PLEKHM3: variants seen among roughly 807,000 people sequenced by gnomAD.
PLEKHM3 encodes the protein pleckstrin homology domain containing M3.
PLEKHM3 carries 45 observed loss-of-function variants against 81.8 expected under a neutral mutation model. The ratio of observed to expected loss-of-function variants is 0.55; its 90% CI spans 0.43 to 0.71. The LOEUF (loss-of-function observed/expected upper bound fraction) is 0.71, where lower values mean the gene tolerates loss of function less well. PLEKHM3 is among the 30% of genes least tolerant of loss of function. The pLI is 0.00. For synonymous variants in PLEKHM3, 352 were observed against 356.4 expected, an observed-to-expected ratio of 0.99 and a Z score of 0.14; for missense variants, 788 against 924.3, an observed-to-expected ratio of 0.85 and a Z score of 1.91.
chr2:207,902,279 G>C (rs548582459), intron 6 of PLEKHM3, among the ~76,000 whole-genome samples: 1 of 152,342 alleles, frequency 6.6e-6, no homozygotes, highest in South Asian at 2.1e-4. Context: ...CGTCCATAGA[G>C]AAAAACGTTC....
At chr2:207,909,650 G>A (rs1688749054) in intron 5 of PLEKHM3, among the ~76,000 whole-genome samples, 1 of 152,164 alleles carries the variant, frequency 6.6e-6, no homozygotes, top group African/African-American at 2.4e-5. Flanking sequence ...TAACATGGTG[G>A]ATTCCAACCC....
At chr2:207,837,896 G>A (rs2092329607) in intron 7 of PLEKHM3, among the ~76,000 whole-genome samples, 1 of 146,244 alleles carries the variant, frequency 6.8e-6, no homozygotes, top group Non-Finnish European at 1.5e-5. Flanking sequence ...TCAGCCTCCC[G>A]AGTAGCTGGG....
chr2:207,972,260 A>C (rs542155514), intron 3 of PLEKHM3, among the ~76,000 whole-genome samples: 1 of 151,946 alleles, frequency 6.6e-6, no homozygotes, highest in Admixed American at 6.5e-5. Context: ...TAGGCATGAT[A>C]ATAGTAGGTT....
At chr2:207,836,677 AT>A (rs1355950664) in intron 7 of PLEKHM3, among the ~76,000 whole-genome samples, 6 of 152,300 alleles carry the variant, frequency 3.9e-5, no homozygotes, top group Non-Finnish European at 7.4e-5. Context: ...ACCCTTCCAG[AT>A]TCTAGCTGCA....
rs1157240540 is a variant in PLEKHM3 at position 207,823,174 on chromosome 2, G to C, written c.*5145C>G. ...TTTCTAACAAGACGAACAGGCAGTG[G>C]CTTCTCTTTTCACAGGGAAAATCCA... is the stretch of plus-strand genomic sequence containing the variant. On this transcript the variant is annotated 3_prime_UTR_variant, in exon 8 of 8. Coordinates refer to ENST00000427836, the MANE Select transcript of PLEKHM3 (RefSeq NM_001080475.3). The C allele has an allele frequency of 6.6e-6, 1 of 152,150 alleles. No individual in the cohort carries two copies. The highest frequency in any genetic ancestry group is 1.5e-5 in the Non-Finnish European group (1 of 68,028). 9.4% of individuals were successfully genotyped at this position (152,150 alleles called of 1,614,324 possible).
chr2:207,934,836 C>G (rs991353761), intron 4 of PLEKHM3, among the ~76,000 whole-genome samples: 5 of 152,172 alleles, frequency 3.3e-5, no homozygotes, highest in Non-Finnish European at 7.4e-5. Context: ...ACTTTTGTTA[C>G]GCTAGTGACA....
At chr2:207,881,341 A>G (rs1191094659) in intron 6 of PLEKHM3, among the ~76,000 whole-genome samples, 1 of 152,226 alleles carries the variant, frequency 6.6e-6, no homozygotes, top group Non-Finnish European at 1.5e-5. Flanking sequence ...CTGGATGTGT[A>G]ACATTAGATA....
intron 6 of PLEKHM3, among the ~76,000 whole-genome samples, chr2:207,898,318 T>G (rs1688308889): frequency 1.3e-5 from 2 of 152,166 alleles, no homozygotes; most frequent in Non-Finnish European, 2.9e-5. Flanking sequence ...AGCTGCCCCT[T>G]TCAGATATGG....
intron 5 of PLEKHM3, among the ~76,000 whole-genome samples, chr2:207,916,791 T>C (rs1336973582): frequency 6.6e-6 from 1 of 152,136 alleles, no homozygotes; most frequent in Non-Finnish European, 1.5e-5. Flanking sequence ...AATTTATATA[T>C]TTCATTTCAT....
chr2:207,994,094 C>T (rs574451754), intron 2 of PLEKHM3, among the ~76,000 whole-genome samples: 16 of 152,246 alleles, frequency 1.1e-4, no homozygotes, highest in African/African-American at 2.6e-4. Flanking sequence ...GTAAACCAAA[C>T]GCAATAGACA....
intron 6 of PLEKHM3, among the ~76,000 whole-genome samples, chr2:207,898,115 G>C (rs752126763): frequency 6.6e-6 from 1 of 152,114 alleles, no homozygotes; most frequent in Admixed American, 6.5e-5. Flanking sequence ...ATTCCTTCTC[G>C]TAATTCAGCA....
rs1371318801 is a variant in PLEKHM3, at chr2:207,993,516, TA to T, written c.610+7513del. Reference sequence around the variant, plus strand: ...CCAAATTTGGCTTTTTTTTTTTTTTTAAAGTGAAAGATGGGAAAAAGGGAAC... The same window carrying T: ...CCAAATTTGGCTTTTTTTTTTTTTTTAAGTGAAAGATGGGAAAAAGGGAAC... On this transcript the variant is annotated intron_variant, in intron 2 of 7. Transcript: ENST00000427836. Among the ~76,000 whole-genome samples the T allele has an allele frequency of 1.0e-3, 98 of 96,800 alleles. 1 individual carries two copies. Among genetic ancestry groups the T allele is most frequent in the African/African-American group, 2.8e-3 (88 of 31,462 alleles). The allele number at this position is 96,800 out of a possible 152,430, so 63.5% of individuals were successfully genotyped here. A position where few individuals can be genotyped will look rare whatever the true frequency, so the allele number is the denominator to read the frequency against.
chr2:207,828,186 A>ATATATATATTTATT lies in PLEKHM3; in HGVS notation c.*132_*133insAATAAATATATATA. 1.5e-6 allele frequency: 1 copy of ATATATATATTTATT among 680,406 alleles called. No homozygotes were observed. The highest frequency in any genetic ancestry group is 2.3e-6 in the Non-Finnish European group (1 of 435,476). 42.1% of individuals were successfully genotyped at this position (680,406 alleles called of 1,614,324 possible). A position where few individuals can be genotyped will look rare whatever the true frequency, so the allele number is the denominator to read the frequency against. ...TAGGTATTTGCGTATATATAAATAAATATATATATCTATATCTAGTTGAAG... is the reference window on the plus strand; with the variant it reads ...TAGGTATTTGCGTATATATAAATAAATATATATATTTATTTATATATATCTATATCTAGTTGAAG... On this transcript the variant is annotated 3_prime_UTR_variant, in exon 8 of 8. Transcript: ENST00000427836.
intron 6 of PLEKHM3, among the ~76,000 whole-genome samples, chr2:207,899,132 A>C (rs1465300350): frequency 6.6e-6 from 1 of 152,204 alleles, no homozygotes; most frequent in Non-Finnish European, 1.5e-5. Context: ...ATGTCCGCTA[A>C]GACACATGTG....
At chr2:207,864,021 G>C (rs537917815) in intron 6 of PLEKHM3, among the ~76,000 whole-genome samples, 145 of 151,718 alleles carry the variant, frequency 9.6e-4, no homozygotes, top group African/African-American at 3.3e-3. Context: ...GTATCTCCTG[G>C]TGCAAGCAAA....
rs888358125 is a variant in PLEKHM3 at position 207,821,348 on chromosome 2, G to A, written c.*6971C>T. 3.3e-5 allele frequency: 5 copies of A among 152,040 alleles called. No individual in the cohort carries two copies. The highest frequency in any genetic ancestry group is 5.9e-5 in the Non-Finnish European group (4 of 68,016). The allele number at this position is 152,040 out of a possible 1,614,324, so 9.4% of individuals were successfully genotyped here. On this transcript the variant is annotated 3_prime_UTR_variant, in exon 8 of 8. Coordinates refer to ENST00000427836, the MANE Select transcript of PLEKHM3 (RefSeq NM_001080475.3). ...AGAACTTTATACATTAGGAACTGGT[G>A]CACTTAAATTATGTGACAGATGACC... is the stretch of plus-strand genomic sequence containing the variant.
At chr2:207,872,902 C>G (rs1458010593) in intron 6 of PLEKHM3, among the ~76,000 whole-genome samples, 1 of 152,126 alleles carries the variant, frequency 6.6e-6, no homozygotes, top group African/African-American at 2.4e-5. Context: ...AAAGGAGAAG[C>G]AACTACAGCT....
At chr2:207,890,191 G>A (rs1688018226) in intron 6 of PLEKHM3, among the ~76,000 whole-genome samples, 1 of 152,174 alleles carries the variant, frequency 6.6e-6, no homozygotes, top group Admixed American at 6.5e-5. Context: ...AAATTATAGA[G>A]CATCCTAGAA....
chr2:207,998,919 T>C lies in PLEKHM3; in HGVS notation c.610+2111A>G, dbSNP rs370301127. Among the ~76,000 whole-genome samples, 42 of 152,228 alleles carry C rather than the reference T, an allele frequency of 2.8e-4. 1 individual carries two copies. The highest frequency in any genetic ancestry group is 1.0e-3 in the African/African-American group (42 of 41,540). On this transcript the variant is annotated intron_variant, in intron 2 of 7. Coordinates refer to ENST00000427836, the MANE Select transcript of PLEKHM3 (RefSeq NM_001080475.3). ...TTACTAATCAGAAGGTGCAACTGCT[T>C]GTACATGAGCTCAAAGCAAAGCTAT... is the stretch of plus-strand genomic sequence containing the variant.
Sources: allele counts gnomAD v4.1 joint callset (sites outside exome capture counted in the v4.1 genomes callset), GRCh38; gene constraint gnomAD v4.1.1; transcripts MANE v1.5; gene names NCBI Gene and HGNC (gene_info 2026-07-23, HGNC 2026-07-21).